Variants in LMBRD1 observed in about 807,000 individuals in gnomAD.
The protein encoded by LMBRD1 is LMBR1 domain containing 1.
Under a neutral mutation model 74.8 loss-of-function variants are expected in LMBRD1, and 64 were observed. The observed-to-expected ratio is 0.86, with a 90% CI of 0.70 to 1.05. The LOEUF (loss-of-function observed/expected upper bound fraction) is 1.05. Among genes scored for constraint, LMBRD1 ranks in the 50% least tolerant of loss-of-function variants. The probability of loss-of-function intolerance (pLI) is 0.00; values close to 1 mark genes in which losing one functional copy is unlikely to be tolerated. For missense variants in LMBRD1, 652 were observed against 645.9 expected, an observed-to-expected ratio of 1.01 and a Z score of -0.10; for synonymous variants, 204 against 216.3, an observed-to-expected ratio of 0.94 and a Z score of 0.50.
chr6:69,741,368 T>C (rs1582110303), intron 6 of LMBRD1, among the ~76,000 whole-genome samples: 1 of 152,076 alleles, frequency 6.6e-6, no homozygotes, highest in South Asian at 2.1e-4. Flanking sequence ...TTAGAAAAAC[T>C]GTGGGGTTAA....
At position 69,733,934 on chromosome 6, in the gene LMBRD1, T is replaced by C. The variant is rs114690824; in HGVS notation, c.636+4008A>G. Among the ~76,000 whole-genome samples the C allele has an allele frequency of 4.5e-4, 69 of 152,340 alleles. 1 individual carries two copies. Among genetic ancestry groups the C allele is most frequent in the African/African-American group, 1.6e-3 (68 of 41,582 alleles). On this transcript the variant is annotated intron_variant, in intron 7 of 15. Coordinates refer to ENST00000649934, the MANE Select transcript of LMBRD1 (RefSeq NM_018368.4). ...AACTGTTTAAGCTAATAGTGACTAT[T>C]AAGTGGCCAGTAGATTCCAAGACTT...
At chr6:69,687,938 T>A (rs1003717930) in intron 14 of LMBRD1, among the ~76,000 whole-genome samples, 3 of 152,160 alleles carry the variant, frequency 2.0e-5, no homozygotes, top group African/African-American at 7.2e-5. Flanking sequence ...TGTTCTTAGT[T>A]ATATACTTTC....
intron 3 of LMBRD1, among the ~76,000 whole-genome samples, chr6:69,759,034 G>A (rs1387818179): frequency 3.3e-5 from 5 of 152,012 alleles, no homozygotes. Flanking sequence ...CTAATGGAAG[G>A]GAACCATTAT....
chr6:69,750,386 A>G (rs912060198), intron 4 of LMBRD1, among the ~76,000 whole-genome samples: 1 of 151,968 alleles, frequency 6.6e-6, no homozygotes, highest in Non-Finnish European at 1.5e-5. Flanking sequence ...TTTAAAAACC[A>G]TGTTTTGCTT....
In LMBRD1 at chr6:69,790,408, A is replaced by C. The variant is rs780413391; in HGVS notation, c.134T>G (p.Val45Gly). Residue 45 changes from valine to glycine, a missense_variant, in exon 2 of 16, where the codon GTC becomes GGC. By Grantham distance (109) the Val-to-Gly change is moderately radical (BLOSUM62 -3). Around this residue, in one of 3 missense-constraint regions of LMBRD1, gnomAD observed 598 missense variants for 581.8 expected, o/e 1.03. Coordinates refer to ENST00000649934, the MANE Select transcript of LMBRD1 (RefSeq NM_018368.4). ...AGAAAAAATTGCTGTTATGGTGGAG[A>C]CAACTTCACTTTCCCGCCGACTTTG... is the stretch of plus-strand genomic sequence containing the variant. Reference protein sequence around the residue: ...KYQSRRESEVVSTITAIFSLA... With the variant: ...KYQSRRESEVGSTITAIFSLA... 4.6e-5 allele frequency: 74 copies of C among 1,613,952 alleles called. No homozygotes were observed. The highest frequency in any genetic ancestry group is 1.6e-4 in the Middle Eastern group (1 of 6,082).
intron 14 of LMBRD1, among the ~76,000 whole-genome samples, chr6:69,677,577 T>A (rs2149832989): frequency 6.6e-6 from 1 of 152,220 alleles, no homozygotes. Context: ...TCTTCCAATA[T>A]CCTTCAGTTC....
intron 9 of LMBRD1, among the ~76,000 whole-genome samples, chr6:69,707,291 T>C (rs1766280455): frequency 6.6e-6 from 1 of 152,190 alleles, no homozygotes; most frequent in South Asian, 2.1e-4. Context: ...AAGGTTCATG[T>C]TATTAGACTG....
chr6:69,679,788 A>G (rs543464246), intron 14 of LMBRD1, among the ~76,000 whole-genome samples: 40 of 152,202 alleles, frequency 2.6e-4, no homozygotes, highest in South Asian at 1.0e-3. Flanking sequence ...GTGGACTTAT[A>G]AAAAGGGGAT....
In LMBRD1 at chr6:69,699,220, A is replaced by G. The variant is rs112780333; in HGVS notation, c.1189-28T>C. On this transcript the variant is annotated intron_variant, in intron 12 of 15. Transcript: ENST00000649934. The stretch of plus-strand genomic sequence containing the variant: ...GGAAAGAAAAGAGTGACAAAATTTC[A>G]GCAATATATTTCATTTATAAAGCAT... The G allele has an allele frequency of 3.8e-6, 6 of 1,590,564 alleles. No homozygotes were observed. In the East Asian group the frequency reaches 1.3e-4, roughly 36 times the overall value.
At chr6:69,727,558 T>C (rs1387175602) in intron 7 of LMBRD1, among the ~76,000 whole-genome samples, 1 of 152,212 alleles carries the variant, frequency 6.6e-6, no homozygotes, top group Non-Finnish European at 1.5e-5. Context: ...GTTTAAAATG[T>C]ATATTGTAAA....
At chr6:69,760,696 C>G (rs1364562756) in intron 3 of LMBRD1, among the ~76,000 whole-genome samples, 1 of 152,104 alleles carries the variant, frequency 6.6e-6, no homozygotes, top group East Asian at 1.9e-4. Flanking sequence ...TGCTAAGGAA[C>G]AGAATATGAA....
At chr6:69,774,455 AG>A (rs1765644292) in intron 3 of LMBRD1, among the ~76,000 whole-genome samples, 1 of 152,226 alleles carries the variant, frequency 6.6e-6, no homozygotes, top group South Asian at 2.1e-4. Flanking sequence ...ATTCCTGCTT[AG>A]GGTTTGGGAT....
chr6:69,753,823 C>A (rs1238445728), intron 3 of LMBRD1, among the ~76,000 whole-genome samples: 3 of 152,046 alleles, frequency 2.0e-5, no homozygotes, highest in Non-Finnish European at 4.4e-5. Context: ...CACCTGTATT[C>A]CCAGCTACTC....
At chr6:69,719,126 CATATT>C in intron 7 of LMBRD1, 45 bp from the exon 8 acceptor site, 1 of 1,567,518 alleles carries the variant, frequency 6.4e-7, no homozygotes, top group Non-Finnish European at 8.7e-7. Context: ...ATGTTTCAAA[CATATT>C]ATACACAATT....
intron 3 of LMBRD1, among the ~76,000 whole-genome samples, chr6:69,756,126 C>T (rs138618152): frequency 0.016 from 2,459 of 152,094 alleles, 54 homozygotes; most frequent in African/African-American, 0.055. Flanking sequence ...TTTGGGAAGC[C>T]GAGGCAGGCA....
chr6:69,722,588 T>C (rs995347968), intron 7 of LMBRD1, among the ~76,000 whole-genome samples: 1 of 149,414 alleles, frequency 6.7e-6, no homozygotes, highest in Admixed American at 6.6e-5. Flanking sequence ...TTTTGTGTGT[T>C]TGTATATGTA....
At chr6:69,791,898 G>A (rs1766096642) in intron 1 of LMBRD1, among the ~76,000 whole-genome samples, 1 of 152,182 alleles carries the variant, frequency 6.6e-6, no homozygotes, top group African/African-American at 2.4e-5. Flanking sequence ...CCAGGGTGTG[G>A]ACCAAGCTGG....
chr6:69,680,264 T>C (rs1483033870), intron 14 of LMBRD1, among the ~76,000 whole-genome samples: 2 of 152,170 alleles, frequency 1.3e-5, no homozygotes, highest in East Asian at 3.8e-4. Context: ...AGCTTCATTT[T>C]ACAAGTATAA....
rs936324020 is a variant in LMBRD1 at position 69,786,246 on chromosome 6, G to C, written c.246+4050C>G. ...ATAAACATATTTAAGGTTCAATAAA[G>C]AGCACAAAGTTCTAAGATACAGTTC... On this transcript the variant is annotated intron_variant, in intron 2 of 15. Transcript: ENST00000649934. 1.7e-4 allele frequency among the ~76,000 whole-genome samples: 26 copies of C among 152,066 alleles called. 1 individual carries two copies. The highest frequency in any genetic ancestry group is 5.9e-5 in the Non-Finnish European group (4 of 68,018).
Sources: gnomAD v4.1 joint callset for allele counts (sites outside exome capture counted in the v4.1 genomes callset) on GRCh38, gnomAD v4.1.1 for gene constraint, gnomAD v4.1.1 regional missense constraint, MANE v1.5 for transcripts, NCBI Gene and HGNC (gene_info 2026-07-23, HGNC 2026-07-21) for gene names.